The following MINDY2 variants were observed in gnomAD, a reference collection of about 807,000 sequenced individuals.
MINDY2 encodes MINDY lysine 48 deubiquitinase 2.
In MINDY2, 52 loss-of-function variants were observed where a neutral mutation model predicts 68.2. The observed-to-expected ratio is 0.76, with a 90% CI of 0.61 to 0.96. The LOEUF (loss-of-function observed/expected upper bound fraction) is 0.96, where lower values mean the gene tolerates loss of function less well. Among genes scored for constraint, MINDY2 ranks in the 40% least tolerant of loss-of-function variants. The probability of loss-of-function intolerance (pLI) is 0.00; values close to 1 mark genes in which losing one functional copy is unlikely to be tolerated. For synonymous variants in MINDY2, 372 were observed against 303.0 expected, an observed-to-expected ratio of 1.23 and a Z score of -2.36; for missense variants, 881 against 773.4, an observed-to-expected ratio of 1.14 and a Z score of -1.65.
At chr15:58,820,316 C>T (rs1430172071) in intron 4 of MINDY2, among the ~76,000 whole-genome samples, 2 of 151,642 alleles carry the variant, frequency 1.3e-5, no homozygotes, top group African/African-American at 2.4e-5. Context: ...TGGTGGCGGG[C>T]GCCTGTAATC....
chr15:58,775,155 A>G (rs537221899), intron 1 of MINDY2, among the ~76,000 whole-genome samples: 2 of 152,314 alleles, frequency 1.3e-5, no homozygotes, highest in African/African-American at 2.4e-5. Context: ...AGGCTACATG[A>G]TGTAATGACA....
At chr15:58,804,533 C>T (rs539686214) in intron 3 of MINDY2, among the ~76,000 whole-genome samples, 26 of 152,244 alleles carry the variant, frequency 1.7e-4, no homozygotes, top group Admixed American at 5.9e-4. Context: ...AAGCACCAGG[C>T]GTGGTGGCTC....
At chr15:58,787,736 C>CAAAAA (rs5812951) in intron 1 of MINDY2, among the ~76,000 whole-genome samples, 170 bp from the exon 2 acceptor site, 4 of 92,856 alleles carry the variant, frequency 4.3e-5, no homozygotes, top group African/African-American at 1.2e-4. Context: ...GAGTCCGTCT[C>CAAAAA]AAAAAAAAAA....
chr15:58,799,958 G>A (rs1239753564), intron 2 of MINDY2, among the ~76,000 whole-genome samples: 3 of 152,226 alleles, frequency 2.0e-5, no homozygotes, highest in African/African-American at 4.8e-5. Flanking sequence ...TGATGAGACT[G>A]GCGGGGGCGC....
intron 8 of MINDY2, 36 bp downstream of exon 8, chr15:58,852,001 TC>T: frequency 6.7e-7 from 1 of 1,484,692 alleles, no homozygotes; most frequent in Non-Finnish European, 9.1e-7. Flanking sequence ...AATGTGATGA[TC>T]ATGGCTGGGT....
At chr15:58,782,911 G>GTTTTTTTTTTTCTTT (rs1901242989) in intron 1 of MINDY2, among the ~76,000 whole-genome samples, 1 of 64,470 alleles carries the variant, frequency 1.6e-5, no homozygotes, top group Non-Finnish European at 2.6e-5. Flanking sequence ...TTTTCTCTCT[G>GTTTTTTTTTTTCTTT]TTTTTTTTTT....
At chr15:58,851,989 T>A in intron 8 of MINDY2, 24 bp downstream of exon 8, 1 of 1,543,668 alleles carries the variant, frequency 6.5e-7, no homozygotes, top group East Asian at 2.3e-5. Flanking sequence ...TTTTGAGTCT[T>A]AAATGTGATG....
chr15:58,823,931 G>A (rs1162844739), intron 5 of MINDY2, among the ~76,000 whole-genome samples: 12 of 152,138 alleles, frequency 7.9e-5, no homozygotes, highest in African/African-American at 2.9e-4. Flanking sequence ...CTAAAAAGAA[G>A]CTCCTATTTT....
intron 4 of MINDY2, among the ~76,000 whole-genome samples, chr15:58,814,099 A>C (rs1253506459): frequency 6.6e-6 from 1 of 151,404 alleles, no homozygotes; most frequent in Admixed American, 6.6e-5. Flanking sequence ...CACCATGCCC[A>C]GTGAATTTTT....
rs544931194 is a variant in MINDY2, at chr15:58,852,971, A to G, written c.1737+1006A>G. 3.8e-4 allele frequency among the ~76,000 whole-genome samples: 6 copies of G among 15,646 alleles called. 1 individual carries two copies. The highest frequency in any genetic ancestry group is 9.1e-4 in the Admixed American group (1 of 1,100). The allele number at this position is 15,646 out of a possible 152,430, so 10.3% of individuals were successfully genotyped here. ...TTTTTTTTTTTTTTTTTTTTTTTTT[A>G]AGACAGAGTCTCACTCTGTTGCCCA... is the stretch of plus-strand genomic sequence containing the variant. On this transcript the variant is annotated intron_variant, in intron 8 of 8. Transcript: ENST00000559228.
chr15:58,798,265 C>T lies in MINDY2; in HGVS notation c.899-4048C>T, dbSNP rs571401530. Among the ~76,000 whole-genome samples the T allele has an allele frequency of 3.3e-5, 5 of 151,368 alleles. No homozygotes were observed. In the East Asian group the frequency reaches 5.8e-4, roughly 18 times the overall value. On this transcript the variant is annotated intron_variant, in intron 2 of 8. Transcript: ENST00000559228. ...CCGAGCAGCTGGGATTACAGGCGCC[C>T]GCCACCATGCCCAGCTAATTTTTGT...
At chr15:58,787,811 C>T (rs1450647113) in intron 1 of MINDY2, 95 bp from the exon 2 acceptor site, 2 of 626,896 alleles carry the variant, frequency 3.2e-6, no homozygotes, top group Non-Finnish European at 5.4e-6. Context: ...ATAGTAGATA[C>T]ATAATTAGAC....
rs528349781 is a variant in MINDY2 at position 58,781,625 on chromosome 15, C to T, written c.841-6281C>T. Reference sequence around the variant, plus strand: ...TCCTGTTTTGAAATACTGATGGTGGCGAAGCGCAGTGGCTCATGCCTGTAA... The same window carrying T: ...TCCTGTTTTGAAATACTGATGGTGGTGAAGCGCAGTGGCTCATGCCTGTAA... On this transcript the variant is annotated intron_variant, in intron 1 of 8. Transcript: ENST00000559228. 1.7e-4 allele frequency among the ~76,000 whole-genome samples: 26 copies of T among 152,096 alleles called. No individual in the cohort carries two copies. The South Asian group carries it at 4.6e-3, about 27-fold the overall frequency.
intron 6 of MINDY2, among the ~76,000 whole-genome samples, chr15:58,844,969 G>C (rs1244980671): frequency 7.1e-6 from 1 of 141,236 alleles, no homozygotes; most frequent in Non-Finnish European, 1.5e-5. Context: ...CAAAATGGGA[G>C]AAAACATTTG....
intron 5 of MINDY2, among the ~76,000 whole-genome samples, chr15:58,823,138 T>C (rs1386441158): frequency 6.6e-5 from 10 of 150,682 alleles, no homozygotes; most frequent in Admixed American, 4.6e-4. Flanking sequence ...CTTTTTTTTT[T>C]CTTTTTTTTT....
In MINDY2 at chr15:58,823,315, G is replaced by A. The variant is rs117806482; in HGVS notation, c.1225+1496G>A. 2.5e-3 allele frequency among the ~76,000 whole-genome samples: 383 copies of A among 151,788 alleles called. 2 individuals carry two copies. Among genetic ancestry groups the A allele is most frequent in the South Asian group, 0.019 (90 of 4,806 alleles). On this transcript the variant is annotated intron_variant, in intron 5 of 8. Transcript: ENST00000559228. Reference sequence around the variant, plus strand: ...AATTTTGTATTTTTAGTAGAGATGGGATTTTGTCATGTTGGTCAAGCTGGG... The same window carrying A: ...AATTTTGTATTTTTAGTAGAGATGGAATTTTGTCATGTTGGTCAAGCTGGG...
At chr15:58,793,781 G>A (rs1386064762) in intron 2 of MINDY2, among the ~76,000 whole-genome samples, 2 of 152,180 alleles carry the variant, frequency 1.3e-5, no homozygotes, top group African/African-American at 2.4e-5. Context: ...TTTTCTCAAT[G>A]AAATAGGAAA....
chr15:58,773,659 T>G (rs1900583579), intron 1 of MINDY2, among the ~76,000 whole-genome samples: 1 of 152,208 alleles, frequency 6.6e-6, no homozygotes, highest in South Asian at 2.1e-4. Context: ...CCTAGAAAAC[T>G]TCATGGGATT....
intron 6 of MINDY2, among the ~76,000 whole-genome samples, chr15:58,844,050 T>G (rs2032406612): frequency 6.6e-6 from 1 of 152,184 alleles, no homozygotes; most frequent in Non-Finnish European, 1.5e-5. Flanking sequence ...TTTTAAAAAC[T>G]GATGAAATTA....
Sources: gnomAD v4.1 joint callset for allele counts (sites outside exome capture counted in the v4.1 genomes callset) on GRCh38, gnomAD v4.1.1 for gene constraint, MANE v1.5 for transcripts, NCBI Gene and HGNC (gene_info 2026-07-23, HGNC 2026-07-21) for gene names.